Variants in KANSL1 observed in about 807,000 individuals in gnomAD.
The protein encoded by KANSL1 is KAT8 regulatory NSL complex subunit 1.
KANSL1 carries 22 observed loss-of-function variants against 103.6 expected under a neutral mutation model. The ratio of observed to expected loss-of-function variants is 0.21; its 90% CI spans 0.15 to 0.30. The LOEUF (loss-of-function observed/expected upper bound fraction) is 0.30, where lower values mean the gene tolerates loss of function less well. KANSL1 is among the 10% of genes least tolerant of loss of function. The pLI is 1.00. For missense variants in KANSL1, 1,337 were observed against 1,399.8 expected (o/e 0.96, Z 0.72); for synonymous variants, 600 against 527.6 (o/e 1.14, Z -1.88).
At chr17:46,204,163 C>T (rs2047891707) in intron 1 of KANSL1, among the ~76,000 whole-genome samples, 1 of 151,984 alleles carries the variant, frequency 6.6e-6, no homozygotes, top group Non-Finnish European at 1.5e-5. Flanking sequence ...CTAAAACAAA[C>T]ATAAACAAAA....
upstream of KANSL1, chr17:46,193,469 G>A (rs1345910099): frequency 6.6e-6 from 1 of 151,306 alleles, no homozygotes; most frequent in African/African-American, 2.4e-5. Flanking sequence ...GGGACACGGG[G>A]AGGAGGGACA....
intron 2 of KANSL1, among the ~76,000 whole-genome samples, chr17:46,165,390 G>A (rs754551803): frequency 1.3e-5 from 2 of 152,050 alleles, no homozygotes; most frequent in Non-Finnish European, 2.9e-5. Flanking sequence ...CCGCCACCAC[G>A]CCCGGCTAAT....
intron 2 of KANSL1, among the ~76,000 whole-genome samples, chr17:46,130,724 A>T (rs1170229791): frequency 1.3e-5 from 2 of 152,202 alleles, no homozygotes; most frequent in Non-Finnish European, 2.9e-5. Context: ...TCACTGCTGC[A>T]CAGCTAAATA....
At position 46,071,476 on chromosome 17, in the gene KANSL1, A is replaced by C. The variant is rs898115086; in HGVS notation, c.1534-3809T>G. Reference sequence around the variant, plus strand: ...TTCCATTTGGAAAAAGAAAAACATAACACACAAACACATGTAATTTCACCT... The same window carrying C: ...TTCCATTTGGAAAAAGAAAAACATACCACACAAACACATGTAATTTCACCT... On this transcript the variant is annotated intron_variant, in intron 4 of 14. Transcript: ENST00000432791. Among the ~76,000 whole-genome samples the C allele has an allele frequency of 2.0e-5, 3 of 152,310 alleles. No individual in the cohort carries two copies. The South Asian group carries it at 6.2e-4, about 32-fold the overall frequency.
intron 2 of KANSL1, among the ~76,000 whole-genome samples, chr17:46,163,267 T>G (rs2045837550): frequency 6.6e-6 from 1 of 152,244 alleles, no homozygotes; most frequent in Non-Finnish European, 1.5e-5. Flanking sequence ...ATGAATGAAT[T>G]AATCAAATCC....
At chr17:46,067,932 G>A (rs778104682) in intron 4 of KANSL1, among the ~76,000 whole-genome samples, 9 of 151,206 alleles carry the variant, frequency 6.0e-5, no homozygotes, top group Admixed American at 3.9e-4. Flanking sequence ...GCAACACAGC[G>A]AGACCTCATC....
At chr17:46,137,952 T>C (rs1188045409) in intron 2 of KANSL1, among the ~76,000 whole-genome samples, 2 of 151,990 alleles carry the variant, frequency 1.3e-5, no homozygotes, top group African/African-American at 2.4e-5. Context: ...CTGCACTATG[T>C]AGTGTGTTAA....
chr17:46,056,981 G>A (rs923648945), intron 6 of KANSL1, among the ~76,000 whole-genome samples: 2 of 152,144 alleles, frequency 1.3e-5, no homozygotes, highest in Non-Finnish European at 2.9e-5. Flanking sequence ...CTCCTGTGAG[G>A]ACAAAATCAC....
chr17:46,196,040 G>A (rs941424871), upstream of KANSL1: 1 of 243,928 alleles, frequency 4.1e-6, no homozygotes, highest in Non-Finnish European at 8.1e-6. Flanking sequence ...TCCGGAGTTA[G>A]AGACCAGCCT....
chr17:46,094,533 T>G (rs756520820), intron 3 of KANSL1, 27 bp downstream of exon 3: 2 of 1,597,404 alleles, frequency 1.3e-6, no homozygotes, highest in South Asian at 2.2e-5. Flanking sequence ...CGGCAGCATT[T>G]AAAAACATCA....
In KANSL1 at chr17:46,085,407, G is replaced by C. The variant is rs570693266; in HGVS notation, c.1432-2865C>G. 5.0e-4 allele frequency among the ~76,000 whole-genome samples: 76 copies of C among 152,284 alleles called. 1 individual carries two copies. The highest frequency in any genetic ancestry group is 1.8e-3 in the African/African-American group (74 of 41,562). ...CCAGACCTCCTAAAGCACGGTGATTGTATCTTACTTTCTGTGTATTTAAAT... is the reference window on the plus strand; with the variant it reads ...CCAGACCTCCTAAAGCACGGTGATTCTATCTTACTTTCTGTGTATTTAAAT... On this transcript the variant is annotated intron_variant, in intron 3 of 14. Coordinates refer to ENST00000432791, the MANE Select transcript of KANSL1 (RefSeq NM_015443.4).
chr17:46,037,311 T>C (rs2077179358), intron 10 of KANSL1: 1 of 152,228 alleles, frequency 6.6e-6, no homozygotes, highest in Non-Finnish European at 1.5e-5. Context: ...TACACACCTA[T>C]TTAGATAAAA....
chr17:46,174,095 TG>T, intron 1 of KANSL1, among the ~76,000 whole-genome samples: 1 of 152,264 alleles, frequency 6.6e-6, no homozygotes, highest in Non-Finnish European at 1.5e-5. Flanking sequence ...TAATAAAATC[TG>T]AATTTTTTAG....
At chr17:46,084,295 T>A (rs1269881764) in intron 3 of KANSL1, among the ~76,000 whole-genome samples, 2 of 151,998 alleles carry the variant, frequency 1.3e-5, no homozygotes, top group East Asian at 1.9e-4. Flanking sequence ...AGAAGGAGAA[T>A]CGCTTGAACT....
intron 4 of KANSL1, among the ~76,000 whole-genome samples, chr17:46,078,292 G>A (rs7213852): frequency 3.3e-5 from 5 of 152,280 alleles, no homozygotes; most frequent in East Asian, 3.9e-4. Flanking sequence ...GTTGGAATTC[G>A]AACTCCAAAT....
chr17:46,056,283 G>A (rs914312742), intron 6 of KANSL1, among the ~76,000 whole-genome samples: 1 of 151,994 alleles, frequency 6.6e-6, no homozygotes, highest in Admixed American at 6.6e-5. Context: ...ACAAGTGTGA[G>A]CCACCGTGCC....
intron 1 of KANSL1, among the ~76,000 whole-genome samples, chr17:46,200,557 G>A (rs2532225): frequency 0.15 from 22,077 of 151,994 alleles, 2,140 homozygotes; most frequent in Middle Eastern, 0.22. Flanking sequence ...CCTGGCCAAC[G>A]TGGTGAAACT....
At chr17:46,211,068 G>A (rs886772340) in intron 1 of KANSL1, among the ~76,000 whole-genome samples, 2 of 152,054 alleles carry the variant, frequency 1.3e-5, no homozygotes, top group African/African-American at 4.8e-5. Context: ...AATTACATGC[G>A]AGGAAATGGC....
intron 3 of KANSL1, among the ~76,000 whole-genome samples, chr17:46,084,791 C>G (rs1022413178): frequency 6.6e-6 from 1 of 151,100 alleles, no homozygotes; most frequent in Non-Finnish European, 1.5e-5. Flanking sequence ...TTAACCCTAG[C>G]CTTTAAAATG....
Sources: gnomAD v4.1 joint callset for allele counts (sites outside exome capture counted in the v4.1 genomes callset) on GRCh38, gnomAD v4.1.1 for gene constraint, MANE v1.5 for transcripts, NCBI Gene and HGNC (gene_info 2026-07-23, HGNC 2026-07-21) for gene names.